The following PRDM15 variants were observed in gnomAD, a reference collection of about 807,000 sequenced individuals.
PRDM15 encodes PR domain zinc finger protein 15.
In PRDM15, 64 loss-of-function variants were observed where a neutral mutation model predicts 128.6. The ratio of observed to expected loss-of-function variants is 0.50; its 90% CI spans 0.41 to 0.61. PRDM15 has a LOEUF of 0.61. Among genes scored for constraint, PRDM15 ranks in the 20% least tolerant of loss-of-function variants. The pLI, the probability that PRDM15 is intolerant of heterozygous loss-of-function variation, is 0.00. For missense variants in PRDM15, 1,242 were observed against 1,569.1 expected (o/e 0.79, Z 3.52); for synonymous variants, 615 against 621.8 (o/e 0.99, Z 0.16).
In PRDM15 at chr21:41,859,270, G is replaced by A. The variant is rs2063737997; in HGVS notation, c.131+322C>T. 2 of 1,581,962 alleles carry A rather than the reference G, an allele frequency of 1.3e-6. No homozygotes were observed. The highest frequency in any genetic ancestry group is 1.3e-5 in the African/African-American group (1 of 74,498). ...AGCCAACGAGCAGACCTCCAGCTTG[G>A]CTGCTGGTGCTCAGCACGTCAACCA... On this transcript the variant is annotated intron_variant, in intron 3 of 23. Coordinates refer to ENST00000398548, the MANE Select transcript of PRDM15 (RefSeq NM_001040424.3). This position sits in a 1 kb window ranked among gnomAD's most constrained non-coding sequence, Gnocchi z 5.3.
At position 41,859,032 on chromosome 21, in the gene PRDM15, T is replaced by C. The variant is rs1421370516; in HGVS notation, c.131+560A>G. The stretch of plus-strand genomic sequence containing the variant: ...GAGGAGTGCCTTGTCCAAGCTCACC[T>C]GCCCTGGGCCACCAGGTGGCACAGC... On this transcript the variant is annotated intron_variant, in intron 3 of 23. Coordinates refer to ENST00000398548, the MANE Select transcript of PRDM15 (RefSeq NM_001040424.3). This position sits in a 1 kb window ranked among gnomAD's most constrained non-coding sequence, Gnocchi z 5.3. The C allele has an allele frequency of 6.4e-7, 1 of 1,553,268 alleles. No individual in the cohort carries two copies. Among genetic ancestry groups the C allele is most frequent in the East Asian group, 2.4e-5 (1 of 41,654 alleles).
intron 21 of PRDM15, among the ~76,000 whole-genome samples, chr21:41,809,319 G>A (rs563582377): frequency 6.7e-4 from 99 of 147,386 alleles, no homozygotes; most frequent in African/African-American, 2.4e-3. Flanking sequence ...TGCAACCTCC[G>A]CCGCCTGGGT....
At chr21:41,861,856 A>T in intron 1 of PRDM15, 1 of 1,577,312 alleles carries the variant, frequency 6.3e-7, no homozygotes. Context: ...AAATGCCAGA[A>T]ATAACAAGGG....
At position 41,798,955 on chromosome 21, in the gene PRDM15, G is replaced by A. The variant is rs1315629841; in HGVS notation, c.*2285C>T. ...GACCACGTATGTTTACAGAAAACTT[G>A]GGAGTTTGATTTTTCTTTAGAGTTC... On this transcript the variant is annotated 3_prime_UTR_variant, in exon 24 of 24. Transcript: ENST00000398548. 2.0e-5 allele frequency: 3 copies of A among 152,140 alleles called. No individual in the cohort carries two copies. Among genetic ancestry groups the A allele is most frequent in the Non-Finnish European group, 2.9e-5 (2 of 68,028 alleles). 9.4% of individuals were successfully genotyped at this position (152,140 alleles called of 1,614,324 possible). A position where few individuals can be genotyped will look rare whatever the true frequency, so the allele number is the denominator to read the frequency against.
chr21:41,822,054 A>C lies in PRDM15; in HGVS notation c.1762-17T>G, dbSNP rs2146400571. On this transcript the variant is annotated splice_polypyrimidine_tract_variant and intron_variant, in intron 14 of 23. Coordinates refer to ENST00000398548, the MANE Select transcript of PRDM15 (RefSeq NM_001040424.3). The stretch of plus-strand genomic sequence containing the variant: ...CGCGATGTCCTGGAAAACAGCCACC[A>C]CTTCCGGTTTCTAACAGCGCAGCAG... 1 of 1,613,566 alleles carries C rather than the reference A, an allele frequency of 6.2e-7. No individual in the cohort carries two copies. Among genetic ancestry groups the C allele is most frequent in the Non-Finnish European group, 8.5e-7 (1 of 1,180,022 alleles).
At chr21:41,842,554 G>C (rs1041479143) in intron 6 of PRDM15, among the ~76,000 whole-genome samples, 1 of 151,858 alleles carries the variant, frequency 6.6e-6, no homozygotes, top group Non-Finnish European at 1.5e-5. Context: ...TGCAGTGTGC[G>C]ATCTCGGCTC....
At position 41,862,936 on chromosome 21, in the gene PRDM15, A is replaced by C. The variant is rs1450652454; in HGVS notation, c.-9-2564T>G. On this transcript the variant is annotated intron_variant, in intron 1 of 23. Coordinates refer to ENST00000398548, the MANE Select transcript of PRDM15 (RefSeq NM_001040424.3). This position sits in a 1 kb window ranked among gnomAD's most constrained non-coding sequence, Gnocchi z 4.1. Reference sequence around the variant, plus strand: ...TGTAATCCCAGCACTTTCAGAGATGAGGACGGGCGATCACTTCAGGTCAGG... The same window carrying C: ...TGTAATCCCAGCACTTTCAGAGATGCGGACGGGCGATCACTTCAGGTCAGG... 6.6e-6 allele frequency among the ~76,000 whole-genome samples: 1 copy of C among 152,114 alleles called. No homozygotes were observed. The highest frequency in any genetic ancestry group is 1.5e-5 in the Non-Finnish European group (1 of 68,030).
chr21:41,853,181 A>G lies in PRDM15; in HGVS notation c.538+1385T>C, dbSNP rs2063480778. 3.9e-5 allele frequency among the ~76,000 whole-genome samples: 6 copies of G among 152,334 alleles called. No individual in the cohort carries two copies. The South Asian group carries it at 1.2e-3, about 32-fold the overall frequency. ...TGCTGGTGTTTTATGGGGGCAGCGC[A>G]GCGCCGGGACACTCCCACACAGCCC... On this transcript the variant is annotated intron_variant, in intron 5 of 23. Coordinates refer to ENST00000398548, the MANE Select transcript of PRDM15 (RefSeq NM_001040424.3).
intron 21 of PRDM15, among the ~76,000 whole-genome samples, chr21:41,804,918 G>A (rs1235021340): frequency 6.6e-6 from 1 of 152,200 alleles, no homozygotes; most frequent in Non-Finnish European, 1.5e-5. Context: ...AAGGGGTGAG[G>A]TTTCAGTGGC....
chr21:41,854,572 C>T lies in PRDM15; in HGVS notation c.532G>A (p.Val178Ile), dbSNP rs768874398. 2.9e-5 allele frequency: 46 copies of T among 1,612,880 alleles called. 1 individual carries two copies. Among genetic ancestry groups the T allele is most frequent in the Middle Eastern group, 3.3e-4 (2 of 6,082 alleles). The change falls in exon 5 of 24, where the codon GTC (valine) becomes ATC (isoleucine). Residue 178 changes from valine (V) to isoleucine (I), a missense_variant. This residue lies in a region of PRDM15 where 612 missense variants were observed against 717.0 expected (regional missense o/e 0.85). Coordinates refer to ENST00000398548, the MANE Select transcript of PRDM15 (RefSeq NM_001040424.3). The surrounding 1 kb of genome is among the most constrained non-coding windows in gnomAD (Gnocchi z 4.6). ...KPMLKQAGSG[V>I]HAAGTPENSA... ...ATCGGGGGCCGCCACATACCGTGGA[C>T]GCCAGAGCCGGCCTGCTTCAGCATG... is the stretch of plus-strand genomic sequence containing the variant.
At position 41,815,500 on chromosome 21, in the gene PRDM15, C is replaced by T. The variant is rs529107364; in HGVS notation, c.2392+205G>A. Among the ~76,000 whole-genome samples the T allele has an allele frequency of 2.5e-3, 381 of 152,340 alleles. 2 individuals are homozygous for T. The highest frequency in any genetic ancestry group is 3.7e-3 in the Non-Finnish European group (251 of 68,024). On this transcript the variant is annotated intron_variant, in intron 19 of 23. Transcript: ENST00000398548. Reference sequence around the variant, plus strand: ...GAAGTGAGCTGTGCAGCATGCTCTCCGGTGACGAGGCCCCTGTGGGAGGGG... The same window carrying T: ...GAAGTGAGCTGTGCAGCATGCTCTCTGGTGACGAGGCCCCTGTGGGAGGGG...
chr21:41,877,118 C>T (rs11702265), intron 1 of PRDM15, among the ~76,000 whole-genome samples: 19,849 of 152,102 alleles, frequency 0.13, 1,459 homozygotes, highest in African/African-American at 0.21. Context: ...GGCACCACCG[C>T]ACCCACCTCC....
At position 41,837,837 on chromosome 21, in the gene PRDM15, G is replaced by A. The variant is rs919159708; in HGVS notation, c.1001+97C>T. On this transcript the variant is annotated intron_variant, in intron 8 of 23. Coordinates refer to ENST00000398548, the MANE Select transcript of PRDM15 (RefSeq NM_001040424.3). The stretch of plus-strand genomic sequence containing the variant: ...GTCTGTTTCCATCTCCTTCCCTGGG[G>A]CTTTCCTGCTGGGAAGGTGCCTTCC... 18 of 1,368,288 alleles carry A rather than the reference G, an allele frequency of 1.3e-5. No homozygotes were observed. In the Admixed American group the frequency reaches 2.6e-4, roughly 20 times the overall value. 84.8% of individuals were successfully genotyped at this position (1,368,288 alleles called of 1,614,324 possible). A position where few individuals can be genotyped will look rare whatever the true frequency, so the allele number is the denominator to read the frequency against.
rs934853818 is a variant in PRDM15, at chr21:41,801,011, G to A, written c.*229C>T. On this transcript the variant is annotated 3_prime_UTR_variant, in exon 24 of 24. Coordinates refer to ENST00000398548, the MANE Select transcript of PRDM15 (RefSeq NM_001040424.3). ...GGACTTACTGCCTTGGTAAGGCATG[G>A]TGTGGAGCCCCATCCAGTTTAAAAC... 3.0e-5 allele frequency: 15 copies of A among 505,474 alleles called. No individual in the cohort carries two copies. The highest frequency in any genetic ancestry group is 1.1e-4 in the Admixed American group (3 of 26,648). The allele number at this position is 505,474 out of a possible 1,614,324, so 31.3% of individuals were successfully genotyped here. A position where few individuals can be genotyped will look rare whatever the true frequency, so the allele number is the denominator to read the frequency against.
intron 18 of PRDM15, among the ~76,000 whole-genome samples, chr21:41,818,576 C>T (rs2062135472): frequency 6.6e-6 from 1 of 152,116 alleles, no homozygotes; most frequent in South Asian, 2.1e-4. Flanking sequence ...GGAAAGACCC[C>T]CTTTCTGGCC....
In PRDM15 at chr21:41,837,953, CAGT is replaced by C; in HGVS notation, c.979_981del (p.Thr327del). The C allele has an allele frequency of 1.2e-6, 2 of 1,614,192 alleles. No homozygotes were observed. The highest frequency in any genetic ancestry group is 8.5e-7 in the Non-Finnish European group (1 of 1,180,032). On this transcript the variant is annotated inframe_deletion, in exon 8 of 24. Transcript: ENST00000398548. Reference sequence around the variant, plus strand: ...ACTTACTTTGGAACCGAGCTGGTGTCAGTGGTGGTGGTGGCCAGCTTCCCCAGA... The same window carrying C: ...ACTTACTTTGGAACCGAGCTGGTGTCGGTGGTGGTGGCCAGCTTCCCCAGA...
intron 1 of PRDM15, among the ~76,000 whole-genome samples, chr21:41,865,651 CCT>C (rs1196880104): frequency 2.6e-5 from 4 of 152,306 alleles, no homozygotes; most frequent in Middle Eastern, 3.4e-3. Flanking sequence ...ACTCTCACAT[CCT>C]CTGTGATCCC....
At chr21:41,869,216 C>T (rs1184513290) in intron 1 of PRDM15, among the ~76,000 whole-genome samples, 2 of 152,180 alleles carry the variant, frequency 1.3e-5, no homozygotes, top group Non-Finnish European at 2.9e-5. Context: ...ACAGACTATG[C>T]TTGTGATTAC....
chr21:41,829,639 C>T (rs903842750), intron 11 of PRDM15, among the ~76,000 whole-genome samples: 16 of 150,328 alleles, frequency 1.1e-4, no homozygotes, highest in Middle Eastern at 7.2e-3. Context: ...ACTCAATACA[C>T]ACCACAAATA....
Sources: gnomAD v4.1 joint callset for allele counts (sites outside exome capture counted in the v4.1 genomes callset) on GRCh38, gnomAD v4.1.1 for gene constraint, gnomAD v4.1.1 regional missense constraint, Gnocchi (gnomAD v3.1) non-coding constraint, MANE v1.5 for transcripts, NCBI Gene and HGNC (gene_info 2026-07-23, HGNC 2026-07-21) for gene names.